The following PP2D1 variants were observed in gnomAD, a reference collection of about 807,000 sequenced individuals.
PP2D1 encodes protein phosphatase 2C like domain containing 1, also known as protein phosphatase 2C-like domain-containing protein 1.
A neutral mutation model predicts 30.2 loss-of-function variants in PP2D1; 25 were observed. The observed-to-expected ratio is 0.83, with a 90% CI of 0.60 to 1.16. PP2D1 has a LOEUF of 1.16. PP2D1 is among the 50% of genes most tolerant of loss of function. The pLI, the probability that PP2D1 is intolerant of heterozygous loss-of-function variation, is 0.00. For synonymous variants in PP2D1, 260 were observed against 258.9 expected, an observed-to-expected ratio of 1.00 and a Z score of -0.04; for missense variants, 760 against 742.4, an observed-to-expected ratio of 1.02 and a Z score of -0.28.
chr3:19,990,864 C>A (rs1697111277), intron 2 of PP2D1, among the ~76,000 whole-genome samples: 1 of 150,812 alleles, frequency 6.6e-6, no homozygotes, highest in Non-Finnish European at 1.5e-5. Context: ...ACTGTTATGT[C>A]CACATAGTCT....
intron 2 of PP2D1, among the ~76,000 whole-genome samples, chr3:19,996,214 G>A (rs1363881393): frequency 6.6e-6 from 1 of 151,870 alleles, no homozygotes; most frequent in Non-Finnish European, 1.5e-5. Context: ...CAAGAAAAAA[G>A]AGAGAAAATC....
intron 2 of PP2D1, among the ~76,000 whole-genome samples, chr3:19,995,991 G>C (rs1697175373): frequency 6.6e-6 from 1 of 151,992 alleles, no homozygotes. Flanking sequence ...GAAATTTATA[G>C]TAATAAACTC....
intron 1 of PP2D1, among the ~76,000 whole-genome samples, chr3:20,004,360 A>G (rs191371193): frequency 7.9e-5 from 12 of 152,338 alleles, no homozygotes; most frequent in African/African-American, 2.9e-4. Flanking sequence ...TTCACACAAC[A>G]GCGACATTGC....
At chr3:19,993,620 C>G (rs1697143097) in intron 2 of PP2D1, among the ~76,000 whole-genome samples, 1 of 152,216 alleles carries the variant, frequency 6.6e-6, no homozygotes, top group African/African-American at 2.4e-5. Context: ...GTAATCTTAG[C>G]TCCTTGGGAG....
At chr3:19,982,159 G>T (rs548096160), downstream of PP2D1, among the ~76,000 whole-genome samples, 106 of 152,016 alleles carry the variant, frequency 7.0e-4, no homozygotes, top group Non-Finnish European at 9.3e-4. Flanking sequence ...GATCTTTTGA[G>T]CCCAGGAGTT....
At chr3:19,989,052 T>C (rs147042748) in intron 2 of PP2D1, among the ~76,000 whole-genome samples, 1 of 152,194 alleles carries the variant, frequency 6.6e-6, no homozygotes, top group East Asian at 1.9e-4. Flanking sequence ...CCTAAATTGG[T>C]GGCCAGTGTG....
At chr3:19,984,200 G>A (rs1264827300), downstream of PP2D1, 1 of 420,594 alleles carries the variant, frequency 2.4e-6, no homozygotes, top group Non-Finnish European at 4.6e-6. Context: ...TTACTAATTT[G>A]GGCTTTTCAA....
intron 2 of PP2D1, among the ~76,000 whole-genome samples, chr3:19,993,020 C>T (rs1436596617): frequency 6.6e-6 from 1 of 151,972 alleles, no homozygotes; most frequent in Non-Finnish European, 1.5e-5. Context: ...CTCCTGGCTA[C>T]ATAGCAAAAC....
At chr3:20,005,155 A>C (rs34976501) in intron 1 of PP2D1, among the ~76,000 whole-genome samples, 1 of 139,970 alleles carries the variant, frequency 7.1e-6, no homozygotes, top group African/African-American at 2.6e-5. Context: ...TTTTTTTTTT[A>C]AATTTATTTT....
chr3:19,998,086 T>G (rs1697204667), intron 2 of PP2D1, among the ~76,000 whole-genome samples: 1 of 152,032 alleles, frequency 6.6e-6, no homozygotes, highest in Admixed American at 6.6e-5. Context: ...TACTAGCACT[T>G]TGGGAGGCAG....
intron 1 of PP2D1, among the ~76,000 whole-genome samples, chr3:20,002,830 C>T (rs1372784794): frequency 6.6e-6 from 1 of 151,532 alleles, no homozygotes; most frequent in Non-Finnish European, 1.5e-5. Flanking sequence ...CTGAGGCGGG[C>T]TGATCACGGG....
rs148413405 is a variant in PP2D1 at position 19,987,375 on chromosome 3, A to G, written c.1091-1193T>C. Among the ~76,000 whole-genome samples, 47 of 152,246 alleles carry G rather than the reference A, an allele frequency of 3.1e-4. 2 individuals carry two copies. The highest frequency in any genetic ancestry group is 3.1e-3 in the Admixed American group (47 of 15,280). ...TATTTTTTAAATTACATATAATTACATATTGTTTTTCTTGATATTAAATCA... is the reference window on the plus strand; with the variant it reads ...TATTTTTTAAATTACATATAATTACGTATTGTTTTTCTTGATATTAAATCA... On this transcript the variant is annotated intron_variant, in intron 2 of 2. Coordinates refer to ENST00000389050, the MANE Select transcript of PP2D1 (RefSeq NM_001252657.2).
At chr3:20,000,924 T>A in intron 2 of PP2D1, 106 bp downstream of exon 2, 1 of 529,194 alleles carries the variant, frequency 1.9e-6, no homozygotes, top group Non-Finnish European at 3.0e-6. Flanking sequence ...TTCTAGGTAC[T>A]AAGTCACTAA....
chr3:20,010,197 G>A (rs9821831), intron 1 of PP2D1, among the ~76,000 whole-genome samples: 24,093 of 151,906 alleles, frequency 0.16, 2,097 homozygotes, highest in Non-Finnish European at 0.21. Context: ...CCAAGTTCAA[G>A]CAATTCTTCT....
At chr3:20,002,169 T>C in intron 1 of PP2D1, 73 bp from the exon 2 acceptor site, 4 of 944,338 alleles carry the variant, frequency 4.2e-6, no homozygotes, top group South Asian at 1.7e-5. Flanking sequence ...GCTGTTATCA[T>C]TGCAATTTGA....
Position 20,006,926 on chromosome 3 carries a change from G to A in PP2D1, c.24-4830C>T, listed in dbSNP as rs146735582. The stretch of plus-strand genomic sequence containing the variant: ...CAAGTAGCTGGGATTACAGATGCCC[G>A]CCTAAAATATATATACGTATGTGTG... On this transcript the variant is annotated intron_variant, in intron 1 of 2. Coordinates refer to ENST00000389050, the MANE Select transcript of PP2D1 (RefSeq NM_001252657.2). Among the ~76,000 whole-genome samples the A allele has an allele frequency of 4.0e-5, 6 of 150,684 alleles. No homozygotes were observed. In the East Asian group the frequency reaches 5.9e-4, roughly 15 times the overall value.
chr3:20,012,182 G>A lies in PP2D1; in HGVS notation c.-110C>T. 1.1e-6 allele frequency: 1 copy of A among 894,104 alleles called. No homozygotes were observed. The highest frequency in any genetic ancestry group is 1.7e-6 in the Non-Finnish European group (1 of 584,412). 55.4% of individuals were successfully genotyped at this position (894,104 alleles called of 1,614,324 possible). A position where few individuals can be genotyped will look rare whatever the true frequency, so the allele number is the denominator to read the frequency against. On this transcript the variant is annotated 5_prime_UTR_variant, in exon 1 of 3. Transcript: ENST00000389050. ...GGTGGAGGTAGAGGTGAATGTGATG[G>A]CTGTGGCAGAAGTAGTGGTGATGGT...
rs142340030 is a variant in PP2D1 at position 19,996,050 on chromosome 3, C to A, written c.1090+4980G>T. The stretch of plus-strand genomic sequence containing the variant: ...CTGCAAGAAACTAGGAAATCCAGGA[C>A]AAACTAAACTCAAAATTAATAGAAG... On this transcript the variant is annotated intron_variant, in intron 2 of 2. Transcript: ENST00000389050. 3.5e-3 allele frequency among the ~76,000 whole-genome samples: 537 copies of A among 152,034 alleles called. 3 individuals carry two copies. Among genetic ancestry groups the A allele is most frequent in the African/African-American group, 0.012 (506 of 41,474 alleles).
At chr3:20,003,796 A>T (rs1237436001) in intron 1 of PP2D1, among the ~76,000 whole-genome samples, 1 of 152,110 alleles carries the variant, frequency 6.6e-6, no homozygotes, top group Non-Finnish European at 1.5e-5. Flanking sequence ...TAAAATTTTA[A>T]TCAAAAAATT....
Sources: gnomAD v4.1 joint callset for allele counts (sites outside exome capture counted in the v4.1 genomes callset) on GRCh38, gnomAD v4.1.1 for gene constraint, MANE v1.5 for transcripts, NCBI Gene and HGNC (gene_info 2026-07-23, HGNC 2026-07-21) for gene names.